The following METTL16 variants were observed in gnomAD, a reference collection of about 807,000 sequenced individuals.
METTL16 encodes RNA N(6)-adenosine-methyltransferase METTL16.
In METTL16, 19 loss-of-function variants were observed where a neutral mutation model predicts 57.9. The observed-to-expected ratio is 0.33, with a 90% confidence interval of 0.23 to 0.48. The LOEUF is 0.48. METTL16 is among the 20% of genes least tolerant of loss of function. The pLI, the probability that METTL16 is intolerant of heterozygous loss-of-function variation, is 0.99. For synonymous variants in METTL16, 246 were observed against 255.6 expected (o/e 0.96, Z 0.36); for missense variants, 434 against 691.5 (o/e 0.63, Z 4.18).
chr17:2,465,157 G>C (rs189964871), intron 5 of METTL16, among the ~76,000 whole-genome samples: 47 of 152,248 alleles, frequency 3.1e-4, no homozygotes, highest in African/African-American at 1.1e-3. Context: ...ATAAGCACGT[G>C]AAAAGATGCT....
At chr17:2,471,669 G>A (rs1169694350) in intron 4 of METTL16, among the ~76,000 whole-genome samples, 2 of 151,632 alleles carry the variant, frequency 1.3e-5, no homozygotes, top group African/African-American at 4.8e-5. Context: ...GGCGCCTGTA[G>A]TCCCAGCTAC....
Position 2,458,701 on chromosome 17 carries a change from G to T in METTL16, c.728+5507C>A, listed in dbSNP as rs2067128055. Among the ~76,000 whole-genome samples the T allele has an allele frequency of 2.0e-5, 3 of 151,942 alleles. No individual in the cohort carries two copies. The South Asian group carries it at 6.3e-4, about 32-fold the overall frequency. ...CACTGCAGCCTGGGTGACAGAGCAA[G>T]ACTCTGACACACACACACATACACA... On this transcript the variant is annotated intron_variant, in intron 6 of 9. Transcript: ENST00000263092.
At chr17:2,435,444 G>C (rs1428739086) in intron 8 of METTL16, among the ~76,000 whole-genome samples, 2 of 152,110 alleles carry the variant, frequency 1.3e-5, no homozygotes, top group African/African-American at 4.8e-5. Context: ...GGTGGGGAGA[G>C]AGGTCTAGGA....
chr17:2,496,131 C>T (rs1266920927), intron 2 of METTL16, among the ~76,000 whole-genome samples: 1 of 151,292 alleles, frequency 6.6e-6, no homozygotes, highest in Admixed American at 6.6e-5. Context: ...TGCACACACA[C>T]ACACACAAAA....
intron 1 of METTL16, among the ~76,000 whole-genome samples, chr17:2,505,696 G>A (rs1351316812): frequency 1.3e-5 from 2 of 151,964 alleles, no homozygotes; most frequent in Admixed American, 1.3e-4. Flanking sequence ...CTGGTTTACA[G>A]TAGCCTCTTA....
chr17:2,430,661 G>A (rs901149642), intron 8 of METTL16, among the ~76,000 whole-genome samples: 16 of 151,840 alleles, frequency 1.1e-4, no homozygotes, highest in South Asian at 2.1e-4. Context: ...CTCGCGATCC[G>A]CCGGCCTTGG....
At position 2,420,165 on chromosome 17, in the gene METTL16, G is replaced by A. The variant is rs1011037663; in HGVS notation, c.1494C>T (p.Ser498=). ...QDQEASEQFG[S]PVAERGKRLP... ...GACGTTTCCCCCTTTCAGCCACTGGGCTGCCGAACTGCTCAGAAGCCTCTT... is the reference window on the plus strand; with the variant it reads ...GACGTTTCCCCCTTTCAGCCACTGGACTGCCGAACTGCTCAGAAGCCTCTT... The change falls in exon 10 of 10, where the codon AGC becomes AGT. Residue 498 remains serine, a synonymous_variant. Transcript: ENST00000263092. The surrounding 1 kb of genome is among the most constrained non-coding windows in gnomAD (Gnocchi z 5.4). 6.2e-7 allele frequency: 1 copy of A among 1,614,204 alleles called. No homozygotes were observed. The highest frequency in any genetic ancestry group is 2.2e-5 in the East Asian group (1 of 44,878).
chr17:2,491,876 C>CAAAAA (rs1171788438), intron 2 of METTL16, among the ~76,000 whole-genome samples: 6 of 53,588 alleles, frequency 1.1e-4, no homozygotes, highest in South Asian at 7.0e-4. Context: ...CACCGTCTCA[C>CAAAAA]AAAAAAAAAA....
At chr17:2,441,419 CA>C in intron 7 of METTL16, 70 bp downstream of exon 7, 1 of 1,139,656 alleles carries the variant, frequency 8.8e-7, no homozygotes. Flanking sequence ...ATCAATGTAG[CA>C]AAACTGTACT....
At chr17:2,501,292 T>C (rs1384007949) in intron 2 of METTL16, among the ~76,000 whole-genome samples, 4 of 151,896 alleles carry the variant, frequency 2.6e-5, no homozygotes, top group Admixed American at 1.3e-4. Context: ...TAGCTAAGCA[T>C]GGTAGGGCAC....
intron 8 of METTL16, among the ~76,000 whole-genome samples, chr17:2,427,111 A>G (rs1236035186): frequency 6.6e-6 from 1 of 152,200 alleles, no homozygotes; most frequent in Non-Finnish European, 1.5e-5. Context: ...GTGCCACAGC[A>G]CTCCAGCCTG....
At chr17:2,491,748 G>A (rs1425806417) in intron 2 of METTL16, among the ~76,000 whole-genome samples, 24 of 149,600 alleles carry the variant, frequency 1.6e-4, no homozygotes, top group Non-Finnish European at 3.0e-4. Context: ...GGTGGTGGGA[G>A]CCTGTAGTTC....
chr17:2,441,372 T>C (rs1353485952), intron 7 of METTL16, 118 bp downstream of exon 7: 1 of 648,892 alleles, frequency 1.5e-6, no homozygotes, highest in Non-Finnish European at 2.4e-6. Flanking sequence ...CCGGTGACAG[T>C]TACACTGAAA....
chr17:2,435,414 T>C (rs2066902265), intron 8 of METTL16, among the ~76,000 whole-genome samples: 4 of 151,956 alleles, frequency 2.6e-5, no homozygotes, highest in Non-Finnish European at 2.9e-5. Context: ...GAAAGTCAGA[T>C]GGGGTTTTCA....
At chr17:2,445,816 A>G (rs1182596366) in intron 6 of METTL16, among the ~76,000 whole-genome samples, 3 of 151,734 alleles carry the variant, frequency 2.0e-5, no homozygotes, top group Non-Finnish European at 4.4e-5. Context: ...TTTAAAAAAT[A>G]ATAAAATAAA....
At chr17:2,447,773 C>T (rs1168899884) in intron 6 of METTL16, among the ~76,000 whole-genome samples, 4 of 130,254 alleles carry the variant, frequency 3.1e-5, no homozygotes, top group African/African-American at 1.3e-4. Context: ...AGCCCCCCGC[C>T]CGGCCAGCCG....
intron 4 of METTL16, among the ~76,000 whole-genome samples, chr17:2,472,061 C>T: frequency 6.6e-6 from 1 of 151,348 alleles, no homozygotes; most frequent in Non-Finnish European, 1.5e-5. Flanking sequence ...TTGCAGTGAG[C>T]CAAGATCATA....
chr17:2,493,237 T>C (rs894210494), intron 2 of METTL16, among the ~76,000 whole-genome samples: 29 of 150,842 alleles, frequency 1.9e-4, no homozygotes, highest in Non-Finnish European at 2.7e-4. Flanking sequence ...TAGAGGTGCG[T>C]GCCACCACGC....
At chr17:2,434,462 C>T (rs1255833154) in intron 8 of METTL16, among the ~76,000 whole-genome samples, 1 of 152,230 alleles carries the variant, frequency 6.6e-6, no homozygotes, top group Non-Finnish European at 1.5e-5. Flanking sequence ...TGATCACCAC[C>T]TTGGCCTCCC....
Sources: allele counts gnomAD v4.1 joint callset (sites outside exome capture counted in the v4.1 genomes callset), GRCh38; gene constraint gnomAD v4.1.1; non-coding constraint Gnocchi (gnomAD v3.1); transcripts MANE v1.5; gene names NCBI Gene and HGNC (gene_info 2026-07-23, HGNC 2026-07-21).